The following ITIH2 variants were observed in gnomAD, a reference collection of about 807,000 sequenced individuals.
The protein encoded by ITIH2 is inter-alpha-trypsin inhibitor heavy chain H2.
ITIH2 carries 103 observed loss-of-function variants against 104.4 expected under a neutral mutation model. That is an observed-to-expected ratio of 0.99 (90% CI 0.84 to 1.16). The LOEUF is 1.16. Ranked by LOEUF, ITIH2 falls within the 50% of genes most tolerant of loss-of-function variation. The pLI is 0.00. For synonymous variants in ITIH2, 436 were observed against 435.4 expected (o/e 1.00, Z -0.02); for missense variants, 1,108 against 1,162.4 (o/e 0.95, Z 0.68).
At chr10:7,727,889 G>A in intron 11 of ITIH2, 61 bp downstream of exon 11, 1 of 1,593,748 alleles carries the variant, frequency 6.3e-7, no homozygotes, top group Non-Finnish European at 8.6e-7. Flanking sequence ...TGGAATGGTG[G>A]TTTGCCTAAA....
rs527934831 is a variant in ITIH2 at position 7,719,520 on chromosome 10, G to A, written c.631-1336G>A. On this transcript the variant is annotated intron_variant, in intron 6 of 20. Coordinates refer to ENST00000358415, the MANE Select transcript of ITIH2 (RefSeq NM_002216.3). ...CTAAGCCTAGGAGGAGACAATCACT[G>A]AGACTGTTGATAATAACAATATTAA... 3.9e-5 allele frequency among the ~76,000 whole-genome samples: 6 copies of A among 152,200 alleles called. No homozygotes were observed. In the South Asian group the frequency reaches 1.2e-3, roughly 32 times the overall value.
chr10:7,719,589 T>C (rs1834881703), intron 6 of ITIH2, among the ~76,000 whole-genome samples: 1 of 151,358 alleles, frequency 6.6e-6, no homozygotes, highest in Non-Finnish European at 1.5e-5. Flanking sequence ...ATACCTCACC[T>C]CTACTGAAAA....
chr10:7,738,897 G>C, intron 16 of ITIH2, 139 bp downstream of exon 16: 1 of 708,036 alleles, frequency 1.4e-6, no homozygotes, highest in Non-Finnish European at 2.2e-6. Flanking sequence ...CAGATCACCT[G>C]TTTTTCTATA....
In ITIH2 at chr10:7,703,536, A is replaced by G. The variant is rs1186207145; in HGVS notation, c.84+18A>G. 1 of 1,506,294 alleles carries G rather than the reference A, an allele frequency of 6.6e-7. No homozygotes were observed. The highest frequency in any genetic ancestry group is 1.4e-5 in the African/African-American group (1 of 72,264). 93.3% of individuals were successfully genotyped at this position (1,506,294 alleles called of 1,614,324 possible). A position where few individuals can be genotyped will look rare whatever the true frequency, so the allele number is the denominator to read the frequency against. On this transcript the variant is annotated intron_variant, in intron 1 of 20. Transcript: ENST00000358415. The stretch of plus-strand genomic sequence containing the variant: ...TTTCTGAAGTAAGTACTTACAGATC[A>G]CTCCTTGCTGTTGGCTTGTTCATGA...
chr10:7,721,702 C>T lies in ITIH2; in HGVS notation c.792C>T (p.Cys264=). The T allele has an allele frequency of 6.2e-7, 1 of 1,613,798 alleles. No homozygotes were observed. Among genetic ancestry groups the T allele is most frequent in the Non-Finnish European group, 8.5e-7 (1 of 1,179,786 alleles). The change falls in exon 8 of 21, where the codon TGC becomes TGT. Residue 264 remains cysteine, a synonymous_variant. Transcript: ENST00000358415. ...CACAGCAGAGAATATGCCCTAACTG[C>T]CGGGAGACTGCGGTAGATGGGGAAC... ...TVAQQRICPN[C]RETAVDGELV...
chr10:7,732,194 A>T, intron 13 of ITIH2, 144 bp from the exon 14 acceptor site: 1 of 1,008,108 alleles, frequency 9.9e-7, no homozygotes, highest in Non-Finnish European at 1.5e-6. Context: ...AATCCCAAGC[A>T]CAGGAATGCA....
At chr10:7,741,545 G>A (rs1213991173) in intron 16 of ITIH2, among the ~76,000 whole-genome samples, 1 of 152,070 alleles carries the variant, frequency 6.6e-6, no homozygotes, top group East Asian at 1.9e-4. Context: ...ATGTATTTGT[G>A]GACTGCAGAG....
At chr10:7,734,784 T>C (rs942627507) in intron 14 of ITIH2, 138 bp from the exon 15 acceptor site, 1 of 646,442 alleles carries the variant, frequency 1.5e-6, no homozygotes, top group African/African-American at 1.8e-5. Context: ...CAGTGAGTTC[T>C]GTTTCCCAGT....
chr10:7,749,019 C>G (rs1443859202), intron 20 of ITIH2, among the ~76,000 whole-genome samples, 168 bp from the exon 21 acceptor site: 2 of 152,142 alleles, frequency 1.3e-5, no homozygotes, highest in African/African-American at 2.4e-5. Context: ...CTTCCAACAC[C>G]AAGCCCCAGA....
chr10:7,713,226 T>C lies in ITIH2; in HGVS notation c.408T>C (p.Thr136=). The part of the protein sequence containing the change: ...KTFRSSIKEK[T]VGRALYAQAR... ...TTAGGAGCTCTATTAAGGAGAAAAC[T>C]GTGGGCCGAGCTCTTTATGCACAGG... Residue 136 remains threonine (T), a synonymous_variant, in exon 5 of 21, where the codon ACT becomes ACC. Coordinates refer to ENST00000358415, the MANE Select transcript of ITIH2 (RefSeq NM_002216.3). The C allele has an allele frequency of 6.2e-7, 1 of 1,614,162 alleles. No individual in the cohort carries two copies. Among genetic ancestry groups the C allele is most frequent in the Non-Finnish European group, 8.5e-7 (1 of 1,180,022 alleles).
intron 13 of ITIH2, 80 bp from the exon 14 acceptor site, chr10:7,732,258 G>A (rs1184867072): frequency 2.4e-5 from 35 of 1,429,566 alleles, no homozygotes; most frequent in Admixed American, 5.4e-5. Context: ...CCATTCATTC[G>A]CAGCAGGTAC....
Position 7,749,392 on chromosome 10 carries a change from G to C in ITIH2, c.*58G>C. Reference sequence around the variant, plus strand: ...TATACATCTTTCCCCTGTCACTTTTGCAGATATTCTTCGGTTTGAATAATT... The same window carrying C: ...TATACATCTTTCCCCTGTCACTTTTCCAGATATTCTTCGGTTTGAATAATT... On this transcript the variant is annotated 3_prime_UTR_variant, in exon 21 of 21. Transcript: ENST00000358415. 1 of 1,424,792 alleles carries C rather than the reference G, an allele frequency of 7.0e-7. No homozygotes were observed. Among genetic ancestry groups the C allele is most frequent in the Non-Finnish European group, 9.7e-7 (1 of 1,031,714 alleles). 88.3% of individuals were successfully genotyped at this position (1,424,792 alleles called of 1,614,324 possible). A position where few individuals can be genotyped will look rare whatever the true frequency, so the allele number is the denominator to read the frequency against.
chr10:7,728,790 C>T (rs1333681736), intron 11 of ITIH2, among the ~76,000 whole-genome samples: 6 of 151,968 alleles, frequency 3.9e-5, no homozygotes, highest in East Asian at 1.9e-4. Flanking sequence ...AGACTAGGAC[C>T]GAGTCTAACA....
At chr10:7,706,310 A>G (rs1416778207) in intron 2 of ITIH2, among the ~76,000 whole-genome samples, 1 of 152,206 alleles carries the variant, frequency 6.6e-6, no homozygotes, top group East Asian at 1.9e-4. Context: ...AGCTGAGCTT[A>G]TATCCAACAC....
intron 4 of ITIH2, among the ~76,000 whole-genome samples, chr10:7,712,766 G>T (rs1834808325): frequency 6.6e-6 from 1 of 152,080 alleles, no homozygotes; most frequent in East Asian, 1.9e-4. Context: ...AATGATCATT[G>T]CCCTCATTCA....
chr10:7,741,043 C>T (rs1229492213), intron 16 of ITIH2, among the ~76,000 whole-genome samples: 1 of 152,026 alleles, frequency 6.6e-6, no homozygotes, highest in Non-Finnish European at 1.5e-5. Context: ...GTCTGATTGG[C>T]GGGATTTGAG....
At chr10:7,745,921 ATTTTGTAT>A (rs1835172441) in intron 19 of ITIH2, among the ~76,000 whole-genome samples, 2 of 150,642 alleles carry the variant, frequency 1.3e-5, no homozygotes, top group African/African-American at 4.9e-5. Context: ...CGCCCAGCTA[ATTTTGTAT>A]TTTTAGTAGA....
chr10:7,708,526 T>G (rs1006082068), intron 3 of ITIH2, among the ~76,000 whole-genome samples: 6 of 152,038 alleles, frequency 3.9e-5, no homozygotes, highest in Admixed American at 3.9e-4. Flanking sequence ...TAGAGGAGAT[T>G]AAAGAAGGTA....
At chr10:7,741,819 C>A (rs950913139) in intron 16 of ITIH2, among the ~76,000 whole-genome samples, 1 of 152,162 alleles carries the variant, frequency 6.6e-6, no homozygotes, top group Non-Finnish European at 1.5e-5. Context: ...GTCCTCTGGT[C>A]GCATTGAGTT....
Sources: allele counts gnomAD v4.1 joint callset (sites outside exome capture counted in the v4.1 genomes callset), GRCh38; gene constraint gnomAD v4.1.1; transcripts MANE v1.5; gene names NCBI Gene and HGNC (gene_info 2026-07-23, HGNC 2026-07-21).